C7: variants seen among roughly 807,000 people sequenced by gnomAD.
C7 encodes the protein complement component C7.
Under a neutral mutation model 104.8 loss-of-function variants are expected in C7, and 83 were observed. The ratio of observed to expected loss-of-function variants is 0.79; its 90% confidence interval spans 0.66 to 0.95. The LOEUF is 0.95. C7 is among the 40% of genes least tolerant of loss of function. The probability of loss-of-function intolerance (pLI) is 0.00; values close to 1 mark genes in which losing one functional copy is unlikely to be tolerated. For synonymous variants in C7, 415 were observed against 360.6 expected, an observed-to-expected ratio of 1.15 and a Z score of -1.71; for missense variants, 1,070 against 1,011.2, an observed-to-expected ratio of 1.06 and a Z score of -0.79.
intron 10 of C7, among the ~76,000 whole-genome samples, chr5:40,956,856 G>A (rs1740300198): frequency 6.6e-6 from 1 of 152,204 alleles, no homozygotes; most frequent in Admixed American, 6.5e-5. Flanking sequence ...AAAATGGCCT[G>A]TATTCATTGT....
At chr5:40,910,543 C>CA (rs879838267) in intron 1 of C7, among the ~76,000 whole-genome samples, 17 of 151,894 alleles carry the variant, frequency 1.1e-4, no homozygotes, top group Non-Finnish European at 2.4e-4. Context: ...AAATTAAACA[C>CA]AAATAACAAA....
chr5:40,939,666 T>C (rs1012980853), intron 6 of C7, among the ~76,000 whole-genome samples: 1 of 152,232 alleles, frequency 6.6e-6, no homozygotes, highest in Admixed American at 6.5e-5. Flanking sequence ...TTAGAGAATA[T>C]GTTCCTAATT....
In C7 at chr5:40,981,447, T is replaced by C. The variant is rs780412983; in HGVS notation, c.2406T>C (p.Phe802=). The change falls in exon 18 of 18, where the codon TTT becomes TTC. Residue 802 remains phenylalanine, a synonymous_variant. Transcript: ENST00000313164. The part of the protein sequence containing the change: ...REASECEEEG[F]SICVEVNGKE... ...CATCGGAGTGCGAGGAAGAAGGGTTTAGCATTTGTGTGGAAGTGAACGGCA... is the reference window on the plus strand; with the variant it reads ...CATCGGAGTGCGAGGAAGAAGGGTTCAGCATTTGTGTGGAAGTGAACGGCA... The C allele has an allele frequency of 3.7e-6, 6 of 1,613,602 alleles. No homozygotes were observed. The Admixed American group carries it at 8.3e-5, about 22-fold the overall frequency.
rs77503134 is a variant in C7, at chr5:40,928,200, A to C, written c.7-380A>C. 5.6e-3 allele frequency among the ~76,000 whole-genome samples: 847 copies of C among 152,306 alleles called. 1 individual carries two copies. The highest frequency in any genetic ancestry group is 9.7e-3 in the Non-Finnish European group (663 of 68,002). On this transcript the variant is annotated intron_variant, in intron 1 of 17. Coordinates refer to ENST00000313164, the MANE Select transcript of C7 (RefSeq NM_000587.4). The stretch of plus-strand genomic sequence containing the variant: ...CGTGTTCTCACTTATATGATGTAAA[A>C]CAATCGAACTTGTAGAAGCAAAGTA...
intron 9 of C7, among the ~76,000 whole-genome samples, chr5:40,953,418 G>A (rs1208805397): frequency 2.0e-4 from 30 of 152,042 alleles, no homozygotes; most frequent in Non-Finnish European, 1.2e-4. Flanking sequence ...TGAGGTGGGT[G>A]GATCATGAGG....
intron 5 of C7, 84 bp downstream of exon 5, chr5:40,936,569 A>G: frequency 7.8e-7 from 1 of 1,287,774 alleles, no homozygotes; most frequent in Non-Finnish European, 1.1e-6. Context: ...TAAGTCTACG[A>G]ACAAGTCTTC....
At chr5:40,968,016 A>C (rs996029576) in intron 14 of C7, among the ~76,000 whole-genome samples, 6 of 151,428 alleles carry the variant, frequency 4.0e-5, no homozygotes, top group Admixed American at 6.6e-5. Flanking sequence ...ATTCTTCCTC[A>C]CTTGTCCTTA....
At chr5:40,914,882 G>A (rs1264994902) in intron 1 of C7, among the ~76,000 whole-genome samples, 2 of 152,038 alleles carry the variant, frequency 1.3e-5, no homozygotes, top group Admixed American at 6.6e-5. Flanking sequence ...GTTACAGCGC[G>A]GACATTCAGA....
chr5:40,924,027 CA>C (rs1319065479), intron 1 of C7, among the ~76,000 whole-genome samples: 1 of 152,146 alleles, frequency 6.6e-6, no homozygotes, highest in Non-Finnish European at 1.5e-5. Flanking sequence ...AATAGTCACC[CA>C]AAGTCTTAAC....
chr5:40,953,361 G>A (rs1740217501), intron 9 of C7, among the ~76,000 whole-genome samples: 1 of 152,084 alleles, frequency 6.6e-6, no homozygotes, highest in Non-Finnish European at 1.5e-5. Flanking sequence ...GAATAAATTC[G>A]ACTAGGCGTG....
intron 10 of C7, among the ~76,000 whole-genome samples, chr5:40,956,635 C>T (rs975358826): frequency 3.3e-5 from 5 of 152,172 alleles, no homozygotes; most frequent in Admixed American, 1.3e-4. Flanking sequence ...ATAGCAGAAC[C>T]GATTCTATGA....
At chr5:40,938,982 T>C (rs1024052533) in intron 6 of C7, among the ~76,000 whole-genome samples, 12 of 152,202 alleles carry the variant, frequency 7.9e-5, no homozygotes, top group African/African-American at 2.9e-4. Flanking sequence ...GGGTGTTAGC[T>C]TCTTTCTTGC....
At chr5:40,944,668 G>T (rs1740008551) in intron 6 of C7, among the ~76,000 whole-genome samples, 1 of 152,078 alleles carries the variant, frequency 6.6e-6, no homozygotes. Context: ...ATTCTTTTGG[G>T]GTGACCCTTT....
At chr5:40,937,834 G>A (rs1271624504) in intron 6 of C7, 144 bp downstream of exon 6, 1 of 721,148 alleles carries the variant, frequency 1.4e-6, no homozygotes, top group Non-Finnish European at 2.2e-6. Flanking sequence ...GACTTAAAAA[G>A]TATACACAGT....
At chr5:40,928,518 C>T in intron 1 of C7, 62 bp from the exon 2 acceptor site, 1 of 919,960 alleles carries the variant, frequency 1.1e-6, no homozygotes, top group South Asian at 1.6e-5. Flanking sequence ...TATAAATTGT[C>T]AATTTATAGT....
chr5:40,965,628 A>T (rs866592369), intron 14 of C7, among the ~76,000 whole-genome samples: 2 of 86,590 alleles, frequency 2.3e-5, no homozygotes, highest in South Asian at 1.6e-3. Context: ...GTGTATAGTG[A>T]TATATATATA....
At chr5:40,970,718 C>T (rs985122769) in intron 14 of C7, among the ~76,000 whole-genome samples, 1 of 152,058 alleles carries the variant, frequency 6.6e-6, no homozygotes, top group East Asian at 1.9e-4. Flanking sequence ...TTTTAAGCCT[C>T]GCATGCATTA....
At chr5:40,934,609 T>G (rs1739775670) in intron 4 of C7, 143 bp downstream of exon 4, 2 of 834,284 alleles carry the variant, frequency 2.4e-6, no homozygotes, top group Non-Finnish European at 3.8e-6. Context: ...GGATTTTTGT[T>G]GGTATGTTAA....
intron 6 of C7, 21 bp downstream of exon 6, chr5:40,937,711 T>C (rs1739846848): frequency 1.3e-6 from 2 of 1,535,148 alleles, no homozygotes; most frequent in African/African-American, 2.8e-5. Context: ...CGTTATTGAT[T>C]TCCAATCTGG....
Sources: allele counts gnomAD v4.1 joint callset (sites outside exome capture counted in the v4.1 genomes callset), GRCh38; gene constraint gnomAD v4.1.1; transcripts MANE v1.5; gene names NCBI Gene and HGNC (gene_info 2026-07-23, HGNC 2026-07-21).